Variants in BTG4 observed in about 807,000 individuals in gnomAD.
The protein encoded by BTG4 is protein BTG4.
BTG4 carries 10 observed loss-of-function variants against 19.3 expected under a neutral mutation model. The ratio of observed to expected loss-of-function variants is 0.52; its 90% CI spans 0.32 to 0.88. The LOEUF is 0.88. BTG4 is among the 40% of genes least tolerant of loss of function. BTG4 has a pLI of 0.04. For missense variants in BTG4, 238 were observed against 281.9 expected (o/e 0.84, Z 1.11); for synonymous variants, 91 against 95.7 (o/e 0.95, Z 0.29).
At chr11:111,485,618 T>C (rs1334670650) in intron 5 of BTG4, among the ~76,000 whole-genome samples, 2 of 152,162 alleles carry the variant, frequency 1.3e-5, no homozygotes, top group Admixed American at 1.3e-4. Context: ...TGCTAGTTTA[T>C]AGCAATAAAT....
the BTG4 span, among the ~76,000 whole-genome samples, chr11:111,428,469 C>T: frequency 6.6e-6 from 1 of 152,166 alleles, no homozygotes; most frequent in Non-Finnish European, 1.5e-5. Context: ...CAGTCAGGGA[C>T]CTCTTCCTTT....
the BTG4 span, among the ~76,000 whole-genome samples, chr11:111,431,063 C>T: frequency 0.15 from 22,417 of 152,040 alleles, 2,189 homozygotes; most frequent in African/African-American, 0.28. Context: ...CAGTCAGTGA[C>T]GAAAGGGTTT....
chr11:111,435,399 T>C, the BTG4 span, among the ~76,000 whole-genome samples: 1 of 152,172 alleles, frequency 6.6e-6, no homozygotes, highest in Non-Finnish European at 1.5e-5. Flanking sequence ...GAAGGGCTGC[T>C]GTTTCCCCAG....
At chr11:111,482,183 A>G (rs1864780080) in intron 5 of BTG4, among the ~76,000 whole-genome samples, 2 of 152,060 alleles carry the variant, frequency 1.3e-5, no homozygotes, top group South Asian at 2.1e-4. Context: ...TATATTACCA[A>G]TGAACATATG....
chr11:111,482,825 C>T (rs921696823), intron 5 of BTG4, among the ~76,000 whole-genome samples: 2 of 137,752 alleles, frequency 1.5e-5, no homozygotes, highest in Non-Finnish European at 3.2e-5. Context: ...AAATGTAAAA[C>T]ATAAAACTTT....
chr11:111,395,849 A>G, the BTG4 span, among the ~76,000 whole-genome samples: 4 of 152,236 alleles, frequency 2.6e-5, no homozygotes, highest in East Asian at 7.7e-4. Context: ...CTTACCCTGC[A>G]GACAAATGTC....
At chr11:111,455,460 A>G in the BTG4 span, 3 of 234,318 alleles carry the variant, frequency 1.3e-5, no homozygotes, top group Admixed American at 9.4e-5. Context: ...GTACGCAGCC[A>G]GCCTTCGTCA....
chr11:111,392,174 T>TTTC, the BTG4 span, among the ~76,000 whole-genome samples: 1 of 112,246 alleles, frequency 8.9e-6, no homozygotes, highest in South Asian at 3.0e-4. Context: ...ATTTTCTTTT[T>TTTC]TTTTTTTTTT....
chr11:111,392,096 A>ATGG, the BTG4 span, among the ~76,000 whole-genome samples: 11 of 148,374 alleles, frequency 7.4e-5, no homozygotes. Flanking sequence ...TTACCTGCCT[A>ATGG]TGGTTACCTA....
the BTG4 span, among the ~76,000 whole-genome samples, chr11:111,419,442 G>A: frequency 1.3e-5 from 2 of 152,222 alleles, no homozygotes; most frequent in African/African-American, 2.4e-5. Flanking sequence ...CTCGCCCCTT[G>A]GCCTCCCCAC....
the BTG4 span, among the ~76,000 whole-genome samples, chr11:111,445,414 T>C: frequency 6.6e-6 from 1 of 152,208 alleles, no homozygotes. Context: ...GGGGATCCTC[T>C]GAGCCTTTTC....
chr11:111,432,629 GCAAAGCTCCATCT>G, the BTG4 span, among the ~76,000 whole-genome samples: 1 of 151,008 alleles, frequency 6.6e-6, no homozygotes, highest in Non-Finnish European at 1.5e-5. Flanking sequence ...GGGCAACAGA[GCAAAGCTCCATCT>G]CAAAAAAATA....
At chr11:111,499,691 G>A (rs534529662) in intron 1 of BTG4, among the ~76,000 whole-genome samples, 3 of 152,028 alleles carry the variant, frequency 2.0e-5, no homozygotes, top group Non-Finnish European at 2.9e-5. Context: ...AATTTGTTAC[G>A]ACAACTTTGA....
chr11:111,434,240 T>C, the BTG4 span, among the ~76,000 whole-genome samples: 1 of 152,248 alleles, frequency 6.6e-6, no homozygotes, highest in Non-Finnish European at 1.5e-5. Flanking sequence ...GATGAACTCA[T>C]GCCCTTTGCA....
At chr11:111,453,617 C>A in the BTG4 span, 7 of 422,576 alleles carry the variant, frequency 1.7e-5, no homozygotes, top group Non-Finnish European at 3.4e-5. Context: ...CCCAGAGGCA[C>A]CCCCAAATCC....
At chr11:111,402,135 T>C in the BTG4 span, among the ~76,000 whole-genome samples, 1 of 152,162 alleles carries the variant, frequency 6.6e-6, no homozygotes, top group African/African-American at 2.4e-5. Flanking sequence ...TGATAGTGAA[T>C]AAGTCTCATG....
rs138340224 is a variant in BTG4, at chr11:111,497,226, C to G, written c.495G>C (p.Pro165=). Residue 165 remains proline, a synonymous_variant, in exon 4 of 5, where the codon CCG becomes CCC. Coordinates refer to ENST00000692032, the MANE Select transcript of BTG4 (RefSeq NM_001367975.1). ...EPRVIPKVSN[P]KSIYQVENLK... ...CACTCTTGACCTGATAAATACTCTT[C>G]GGATTGCTGACTTTAGGAATGACAC... 1 of 1,613,118 alleles carries G rather than the reference C, an allele frequency of 6.2e-7. No homozygotes were observed. Among genetic ancestry groups the G allele is most frequent in the South Asian group, 1.1e-5 (1 of 90,912 alleles).
chr11:111,406,703 C>T, the BTG4 span, among the ~76,000 whole-genome samples: 3 of 152,176 alleles, frequency 2.0e-5, no homozygotes, highest in Non-Finnish European at 4.4e-5. Flanking sequence ...GGCATCCTCC[C>T]TCCTGGGGCT....
At chr11:111,470,795 T>C (rs1333946554) in intron 5 of BTG4, among the ~76,000 whole-genome samples, 1 of 151,938 alleles carries the variant, frequency 6.6e-6, no homozygotes, top group African/African-American at 2.4e-5. Flanking sequence ...TGGTGGCACA[T>C]ACCTGTAGTC....
Sources: allele counts gnomAD v4.1 joint callset (sites outside exome capture counted in the v4.1 genomes callset), GRCh38; gene constraint gnomAD v4.1.1; transcripts MANE v1.5; gene names NCBI Gene and HGNC (gene_info 2026-07-23, HGNC 2026-07-21).